Variants in ARMH3 observed in about 807,000 individuals in gnomAD.
The protein encoded by ARMH3 is armadillo like helical domain containing 3, also known as armadillo-like helical domain-containing protein 3.
A neutral mutation model predicts 99.1 loss-of-function variants in ARMH3; 60 were observed. The ratio of observed to expected loss-of-function variants is 0.61; its 90% CI spans 0.49 to 0.75. ARMH3 has a LOEUF of 0.75. ARMH3 is among the 30% of genes least tolerant of loss of function. The pLI is 0.00. For missense variants in ARMH3, 679 were observed against 843.1 expected (o/e 0.81, Z 2.41); for synonymous variants, 285 against 292.8 (o/e 0.97, Z 0.27).
Position 102,029,693 on chromosome 10 carries a change from C to T in ARMH3, c.359G>A (p.Gly120Glu). The change falls in exon 5 of 26, where the codon GGG (glycine) becomes GAG (glutamate). Residue 120 changes from glycine (G) to glutamate (E), a missense_variant. This residue lies in a region of ARMH3 where 280 missense variants were observed against 354.6 expected (regional missense o/e 0.79). Transcript: ENST00000370033. ...CATCAGCATGTTGATAATGTCAAACCCAGAGGTAGACTTATTCTTTTGATG... is the reference window on the plus strand; with the variant it reads ...CATCAGCATGTTGATAATGTCAAACTCAGAGGTAGACTTATTCTTTTGATG... ...GVHQKNKSTS[G>E]FDIINMLMGF... 1.2e-6 allele frequency: 2 copies of T among 1,614,114 alleles called. No individual in the cohort carries two copies. The highest frequency in any genetic ancestry group is 1.7e-6 in the Non-Finnish European group (2 of 1,180,036).
At chr10:101,993,914 C>T (rs1220862291) in intron 16 of ARMH3, among the ~76,000 whole-genome samples, 1 of 152,162 alleles carries the variant, frequency 6.6e-6, no homozygotes, top group African/African-American at 2.4e-5. Flanking sequence ...CTCTTCCGTC[C>T]CATCTGCCCA....
At chr10:102,046,808 A>G (rs2067564926) in intron 1 of ARMH3, among the ~76,000 whole-genome samples, 3 of 152,346 alleles carry the variant, frequency 2.0e-5, no homozygotes, top group Admixed American at 2.0e-4. Flanking sequence ...TCATCTATAC[A>G]TAAACAAAGC....
chr10:101,900,319 C>T (rs573547230), intron 23 of ARMH3, among the ~76,000 whole-genome samples: 44 of 152,248 alleles, frequency 2.9e-4, no homozygotes, highest in African/African-American at 8.9e-4. Flanking sequence ...CTCCTCTACA[C>T]GCTCAGAAAT....
chr10:101,988,945 A>G (rs1417807371), intron 19 of ARMH3, among the ~76,000 whole-genome samples: 11 of 149,312 alleles, frequency 7.4e-5, no homozygotes, highest in South Asian at 2.1e-4. Context: ...AAAAAAAAAA[A>G]GCAAGCTAGA....
At chr10:101,962,108 A>G (rs552538794) in intron 20 of ARMH3, among the ~76,000 whole-genome samples, 1 of 152,360 alleles carries the variant, frequency 6.6e-6, no homozygotes, top group East Asian at 1.9e-4. Context: ...AACACTGTGT[A>G]AACAGCTTTG....
chr10:101,878,565 G>A (rs1351314321), intron 24 of ARMH3, among the ~76,000 whole-genome samples: 2 of 152,006 alleles, frequency 1.3e-5, no homozygotes, highest in African/African-American at 4.8e-5. Flanking sequence ...CTTGAGTCCA[G>A]GAGCTCGAGG....
intron 11 of ARMH3, among the ~76,000 whole-genome samples, chr10:102,010,390 G>T (rs1434403709): frequency 6.6e-6 from 1 of 152,176 alleles, no homozygotes; most frequent in African/African-American, 2.4e-5. Context: ...TTTCCTAGAA[G>T]TTGCTTATTT....
At chr10:101,872,761 C>G (rs2067161094) in intron 24 of ARMH3, among the ~76,000 whole-genome samples, 2 of 152,118 alleles carry the variant, frequency 1.3e-5, no homozygotes, top group African/African-American at 2.4e-5. Context: ...AGTTCAAGAC[C>G]AGCCTGGCCA....
At chr10:102,046,634 G>T (rs61873644) in intron 1 of ARMH3, among the ~76,000 whole-genome samples, 2 of 152,112 alleles carry the variant, frequency 1.3e-5, no homozygotes, top group South Asian at 2.1e-4. Context: ...CCTGGGCAAC[G>T]AATGAAACTC....
At chr10:101,850,724 G>A (rs1274665560) in intron 24 of ARMH3, among the ~76,000 whole-genome samples, 7 of 152,004 alleles carry the variant, frequency 4.6e-5, no homozygotes, top group Non-Finnish European at 8.8e-5. Context: ...TGCACCCACC[G>A]CGACTTTCTC....
intron 19 of ARMH3, among the ~76,000 whole-genome samples, chr10:101,986,343 T>C (rs1247187380): frequency 5.3e-5 from 8 of 152,162 alleles, no homozygotes; most frequent in Admixed American, 5.2e-4. Context: ...TCCCCAATCC[T>C]GTGGTGGCAG....
chr10:101,860,332 G>A (rs2135308201), intron 24 of ARMH3, among the ~76,000 whole-genome samples: 1 of 152,236 alleles, frequency 6.6e-6, no homozygotes, highest in South Asian at 2.1e-4. Context: ...AAAAAATTCA[G>A]TTGGGCAACT....
intron 21 of ARMH3, among the ~76,000 whole-genome samples, chr10:101,957,148 C>A (rs1425716771): frequency 6.6e-6 from 1 of 152,132 alleles, no homozygotes; most frequent in Admixed American, 6.5e-5. Context: ...GCAAATGCTA[C>A]GAATCAAGAC....
At chr10:101,928,894 C>T (rs1214217804) in intron 23 of ARMH3, among the ~76,000 whole-genome samples, 1 of 152,108 alleles carries the variant, frequency 6.6e-6, no homozygotes, top group Non-Finnish European at 1.5e-5. Context: ...CCATGCCCGG[C>T]TAATTTTCGT....
chr10:102,031,532 G>A (rs767913387), intron 4 of ARMH3, among the ~76,000 whole-genome samples: 46 of 152,150 alleles, frequency 3.0e-4, no homozygotes, highest in Non-Finnish European at 2.1e-4. Flanking sequence ...AACTTAAAAG[G>A]TGGAACTTAT....
chr10:101,918,720 C>A (rs536308014), intron 23 of ARMH3, among the ~76,000 whole-genome samples: 1 of 152,290 alleles, frequency 6.6e-6, no homozygotes, highest in Non-Finnish European at 1.5e-5. Flanking sequence ...TAATTAATCA[C>A]AGAAACACTA....
chr10:101,861,697 T>G (rs1589920144), intron 24 of ARMH3, among the ~76,000 whole-genome samples: 1 of 119,954 alleles, frequency 8.3e-6, no homozygotes, highest in Non-Finnish European at 1.6e-5. Context: ...ACTACTACAC[T>G]CCAGGCTGGG....
At chr10:101,894,008 C>A (rs1387280652) in intron 23 of ARMH3, among the ~76,000 whole-genome samples, 6 of 152,204 alleles carry the variant, frequency 3.9e-5, no homozygotes, top group Admixed American at 3.9e-4. Context: ...CATCTCAGAA[C>A]TTCAGATCTA....
chr10:101,990,248 A>G (rs942040454), intron 19 of ARMH3, among the ~76,000 whole-genome samples: 10 of 150,898 alleles, frequency 6.6e-5, no homozygotes, highest in African/African-American at 2.4e-4. Flanking sequence ...CAGTGGCACA[A>G]TCTCAGCTGA....
Sources: gnomAD v4.1 joint callset for allele counts (sites outside exome capture counted in the v4.1 genomes callset) on GRCh38, gnomAD v4.1.1 for gene constraint, gnomAD v4.1.1 regional missense constraint, MANE v1.5 for transcripts, NCBI Gene and HGNC (gene_info 2026-07-23, HGNC 2026-07-21) for gene names.